KCNIP2: variants seen among roughly 807,000 people sequenced by gnomAD.
The protein encoded by KCNIP2 is A-type potassium channel modulatory protein KCNIP2.
A neutral mutation model predicts 39.0 loss-of-function variants in KCNIP2; 19 were observed. The ratio of observed to expected loss-of-function variants is 0.49; its 90% CI spans 0.34 to 0.71. The LOEUF (loss-of-function observed/expected upper bound fraction) is 0.71. Ranked by LOEUF, KCNIP2 falls within the 30% of genes least tolerant of loss-of-function variation. The probability of loss-of-function intolerance (pLI) is 0.01; values close to 1 mark genes in which losing one functional copy is unlikely to be tolerated. For synonymous variants in KCNIP2, 111 were observed against 131.2 expected, an observed-to-expected ratio of 0.85 and a Z score of 1.05; for missense variants, 261 against 346.0, an observed-to-expected ratio of 0.75 and a Z score of 1.95.
chr10:101,827,735 T>A lies in KCNIP2; in HGVS notation c.719A>T (p.Lys240Met). 1 of 1,613,692 alleles carries A rather than the reference T, an allele frequency of 6.2e-7. No homozygotes were observed. Residue 240 changes from lysine (K) to methionine (M), a missense_variant, in exon 9 of 10, where the codon AAG becomes ATG. Coordinates refer to ENST00000356640, the MANE Select transcript of KCNIP2 (RefSeq NM_173191.3). ...TTCCTCAATGGTCACCACACCATCC[T>A]TGTTTCTGTCCATCTTCTGCAAGAA... ...ESFFQKMDRN[K>M]DGVVTIEEFI... is the part of the protein sequence containing the mutation.
chr10:101,840,842 C>A (rs1455531694), intron 1 of KCNIP2, among the ~76,000 whole-genome samples: 3 of 152,096 alleles, frequency 2.0e-5, no homozygotes, highest in African/African-American at 7.2e-5. Flanking sequence ...CGCAGCCACA[C>A]GGGGGCGCCC....
intron 3 of KCNIP2, 35 bp downstream of exon 3, chr10:101,829,809 T>G: frequency 2.6e-6 from 2 of 768,468 alleles, no homozygotes; most frequent in Non-Finnish European, 3.2e-6. Context: ...AAAGCCGCCC[T>G]GCCCCGCCCC....
intron 1 of KCNIP2, among the ~76,000 whole-genome samples, chr10:101,836,989 C>T (rs949358692): frequency 6.6e-6 from 1 of 152,154 alleles, no homozygotes; most frequent in Non-Finnish European, 1.5e-5. Context: ...ATTAGCCTGG[C>T]GTGGTGGCAC....
rs1170304011 is a variant in KCNIP2, at chr10:101,828,207, G to T, written c.541C>A (p.Leu181Ile). ...VILRGTVDDR[L>I]NWAFNLYDLN... ...TCATACAGGTTGAAGGCCCAATTAAGCCTGTCATCTACAGTTCCCCGAAGA... is the reference window on the plus strand; with the variant it reads ...TCATACAGGTTGAAGGCCCAATTAATCCTGTCATCTACAGTTCCCCGAAGA... The change falls in exon 7 of 10, where the codon CTT becomes ATT. Residue 181 changes from leucine (L) to isoleucine (I), a missense_variant. Physicochemically the swap from Leu to Ile is conservative, Grantham distance 5. Transcript: ENST00000356640. The surrounding 1 kb of genome is among the most constrained non-coding windows in gnomAD (Gnocchi z 6.6). 6.2e-7 allele frequency: 1 copy of T among 1,614,020 alleles called. No homozygotes were observed. Among genetic ancestry groups the T allele is most frequent in the Non-Finnish European group, 8.5e-7 (1 of 1,180,044 alleles).
chr10:101,830,651 C>G (rs1330877048), intron 2 of KCNIP2, among the ~76,000 whole-genome samples: 4 of 151,744 alleles, frequency 2.6e-5, no homozygotes, highest in Admixed American at 6.6e-5. Flanking sequence ...CCAGCCTTGC[C>G]AGCACCCGCC....
rs1254940240 is a variant in KCNIP2, at chr10:101,826,481, A to G, written c.*872T>C. On this transcript the variant is annotated 3_prime_UTR_variant, in exon 10 of 10. Transcript: ENST00000356640. Reference sequence around the variant, plus strand: ...AACATGGGAAACAAAAACTCAAGTCATAGCCCTCAAAACAGGGACGATAAG... The same window carrying G: ...AACATGGGAAACAAAAACTCAAGTCGTAGCCCTCAAAACAGGGACGATAAG... 6.6e-6 allele frequency: 1 copy of G among 152,416 alleles called. No individual in the cohort carries two copies. The highest frequency in any genetic ancestry group is 1.5e-5 in the Non-Finnish European group (1 of 68,086). 9.4% of individuals were successfully genotyped at this position (152,416 alleles called of 1,614,324 possible). A position where few individuals can be genotyped will look rare whatever the true frequency, so the allele number is the denominator to read the frequency against.
At chr10:101,840,991 C>T (rs1238604411) in intron 1 of KCNIP2, among the ~76,000 whole-genome samples, 2 of 152,238 alleles carry the variant, frequency 1.3e-5, no homozygotes, top group Non-Finnish European at 2.9e-5. Flanking sequence ...CAGACAGGGC[C>T]GCTGCTAAAC....
At chr10:101,840,672 T>C (rs2066304935) in intron 1 of KCNIP2, among the ~76,000 whole-genome samples, 1 of 151,436 alleles carries the variant, frequency 6.6e-6, no homozygotes. Context: ...TGGGAAAGCC[T>C]ACGGGAGAGA....
At chr10:101,835,542 T>C (rs1309743089) in intron 1 of KCNIP2, among the ~76,000 whole-genome samples, 1 of 152,122 alleles carries the variant, frequency 6.6e-6, no homozygotes, top group African/African-American at 2.4e-5. Context: ...GGAACTGTTA[T>C]TGAGCTGATG....
intron 2 of KCNIP2, among the ~76,000 whole-genome samples, chr10:101,830,684 CA>C (rs2065946736): frequency 1.7e-5 from 1 of 58,174 alleles, no homozygotes; most frequent in Non-Finnish European, 3.7e-5. Flanking sequence ...GTCACGCCCA[CA>C]CACACACACA....
intron 1 of KCNIP2, chr10:101,839,991 C>T: frequency 1.9e-6 from 1 of 530,658 alleles, no homozygotes; most frequent in Non-Finnish European, 3.0e-6. Context: ...CCATGTTCTC[C>T]TGGCCGCACG....
At position 101,831,146 on chromosome 10, in the gene KCNIP2, T is replaced by C; in HGVS notation, c.95A>G (p.Lys32Arg). The change falls in exon 2 of 10, where the codon AAA (lysine) becomes AGA (arginine). Residue 32 changes from lysine (K) to arginine (R), a missense_variant. By Grantham distance (26) the Lys-to-Arg change is conservative. Transcript: ENST00000356640. Reference protein sequence around the residue: ...QLTGHPPGPTKKALKQRFLKL... With the variant: ...QLTGHPPGPTRKALKQRFLKL... ...GAGGAATCGCTGCTTCAGCGCTTTT[T>C]TAGTGGGCCCTGGAGGGTGGCCTGG... is the stretch of plus-strand genomic sequence containing the variant. 1 of 1,610,026 alleles carries C rather than the reference T, an allele frequency of 6.2e-7. No individual in the cohort carries two copies. Among genetic ancestry groups the C allele is most frequent in the South Asian group, 1.1e-5 (1 of 90,212 alleles).
At chr10:101,830,341 C>A in intron 2 of KCNIP2, 2 of 1,191,750 alleles carry the variant, frequency 1.7e-6, no homozygotes, top group Non-Finnish European at 2.2e-6. Flanking sequence ...CTGTCACCAT[C>A]CTGTCGGGGC....
Position 101,831,172 on chromosome 10 carries a change from G to A in KCNIP2, c.74-5C>T, listed in dbSNP as rs2135157919. ...TAGTGGGCCCTGGAGGGTGGCCTGG[G>A]AAGAGAGAAGACCCCAGGAAGGCAC... is the stretch of plus-strand genomic sequence containing the variant. On this transcript the variant is annotated splice_polypyrimidine_tract_variant and splice_region_variant and intron_variant, in intron 1 of 9. Transcript: ENST00000356640. 13 of 1,593,024 alleles carry A rather than the reference G, an allele frequency of 8.2e-6. No individual in the cohort carries two copies. The highest frequency in any genetic ancestry group is 1.1e-5 in the Non-Finnish European group (13 of 1,168,990).
At position 101,828,157 on chromosome 10, in the gene KCNIP2, G is replaced by A. The variant is rs779954218; in HGVS notation, c.591C>T (p.Thr197=). 7.4e-6 allele frequency: 12 copies of A among 1,613,504 alleles called. 1 individual carries two copies. The highest frequency in any genetic ancestry group is 1.6e-4 in the Middle Eastern group (1 of 6,082). The change falls in exon 7 of 10, where the codon ACC becomes ACT. Residue 197 remains threonine, a synonymous_variant. Transcript: ENST00000356640. The surrounding 1 kb of genome is among the most constrained non-coding windows in gnomAD (Gnocchi z 6.6). Reference sequence around the variant, plus strand: ...CCCTTCAGTTGCCCTGCACCTCCTTGGTGATGCAGCCGTCCTTGTTAAGGT... The same window carrying A: ...CCCTTCAGTTGCCCTGCACCTCCTTAGTGATGCAGCCGTCCTTGTTAAGGT... ...LYDLNKDGCI[T]KEEMLDIMKS...
chr10:101,828,566 ATCCC>A lies in KCNIP2; in HGVS notation c.418+57_418+60del. ...CCTTGGCATTCCCAGCTCCTCCAGA[ATCCC>A]TCCCTCCCTCAGCCTAGAGAAGGAC... On this transcript the variant is annotated intron_variant, in intron 5 of 9. Coordinates refer to ENST00000356640, the MANE Select transcript of KCNIP2 (RefSeq NM_173191.3). The surrounding 1 kb of genome is among the most constrained non-coding windows in gnomAD (Gnocchi z 6.6). 6.2e-7 allele frequency: 1 copy of A among 1,600,856 alleles called. No individual in the cohort carries two copies. The highest frequency in any genetic ancestry group is 8.6e-7 in the Non-Finnish European group (1 of 1,168,690).
chr10:101,832,525 C>T (rs1377150971), intron 1 of KCNIP2, among the ~76,000 whole-genome samples: 2 of 152,120 alleles, frequency 1.3e-5, no homozygotes, highest in African/African-American at 2.4e-5. Context: ...AGGCCCTGTT[C>T]TCAGGAGGTG....
At chr10:101,840,056 A>C (rs1296828149) in intron 1 of KCNIP2, among the ~76,000 whole-genome samples, 4 of 8,108 alleles carry the variant, frequency 4.9e-4, no homozygotes, top group Non-Finnish European at 7.0e-4. Flanking sequence ...AAGTTCCTGG[A>C]CGGGGGGGGG....
chr10:101,836,272 CTCT>C (rs1287346021), intron 1 of KCNIP2, among the ~76,000 whole-genome samples: 2 of 143,310 alleles, frequency 1.4e-5, no homozygotes, highest in Non-Finnish European at 3.1e-5. Flanking sequence ...GCTTTTTTTT[CTCT>C]TTTTTTTTTT....
Sources: gnomAD v4.1 joint callset for allele counts (sites outside exome capture counted in the v4.1 genomes callset) on GRCh38, gnomAD v4.1.1 for gene constraint, Gnocchi (gnomAD v3.1) non-coding constraint, MANE v1.5 for transcripts, NCBI Gene and HGNC (gene_info 2026-07-23, HGNC 2026-07-21) for gene names.